ARL15: variants seen among roughly 807,000 people sequenced by gnomAD.
The protein encoded by ARL15 is ADP-ribosylation factor-like protein 15.
Under a neutral mutation model 25.2 loss-of-function variants are expected in ARL15, and 19 were observed. The observed-to-expected ratio is 0.75, with a 90% CI of 0.53 to 1.10. The LOEUF (loss-of-function observed/expected upper bound fraction) is 1.10. ARL15 is among the 50% of genes least tolerant of loss of function. The pLI is 0.00. For synonymous variants in ARL15, 94 were observed against 86.8 expected (o/e 1.08, Z -0.46); for missense variants, 220 against 246.0 (o/e 0.89, Z 0.71).
chr5:54,117,522 C>A (rs1053548154), intron 3 of ARL15, among the ~76,000 whole-genome samples: 1 of 151,998 alleles, frequency 6.6e-6, no homozygotes, highest in Non-Finnish European at 1.5e-5. Flanking sequence ...CAGTTTCACC[C>A]AAGAATTCCC....
intron 4 of ARL15, among the ~76,000 whole-genome samples, chr5:53,987,527 T>A (rs1366995892): frequency 6.6e-6 from 1 of 152,106 alleles, no homozygotes; most frequent in East Asian, 1.9e-4. Context: ...ATTTTGAGTA[T>A]CTTATCATCT....
chr5:53,958,892 A>C (rs1475698294), intron 4 of ARL15, among the ~76,000 whole-genome samples: 1 of 152,220 alleles, frequency 6.6e-6, no homozygotes, highest in Non-Finnish European at 1.5e-5. Context: ...CAAATATCAG[A>C]TCTCCAAAGT....
chr5:53,892,961 C>A (rs1744767954), intron 4 of ARL15, among the ~76,000 whole-genome samples: 1 of 151,986 alleles, frequency 6.6e-6, no homozygotes, highest in African/African-American at 2.4e-5. Context: ...TAATAGGATG[C>A]CAAGAGAGCC....
intron 1 of ARL15, among the ~76,000 whole-genome samples, chr5:54,272,166 G>C (rs1488152964): frequency 1.6e-5 from 2 of 126,880 alleles, no homozygotes; most frequent in Non-Finnish European, 3.1e-5. Flanking sequence ...TCCCCAGGCT[G>C]GTCTCAAACT....
At chr5:54,083,559 T>G (rs921339519) in intron 4 of ARL15, among the ~76,000 whole-genome samples, 1 of 152,086 alleles carries the variant, frequency 6.6e-6, no homozygotes, top group African/African-American at 2.4e-5. Flanking sequence ...CATGAGAAAA[T>G]ATCACCAATT....
chr5:54,003,666 ATCTATC>A (rs1561184612), intron 4 of ARL15, among the ~76,000 whole-genome samples: 6,783 of 52,892 alleles, frequency 0.13, 181 homozygotes, highest in Non-Finnish European at 0.14. Context: ...TTTTCTTTCT[ATCTATC>A]TATCTATCTA....
intron 1 of ARL15, among the ~76,000 whole-genome samples, chr5:54,242,454 C>T (rs562737164): frequency 6.6e-6 from 1 of 152,254 alleles, no homozygotes; most frequent in East Asian, 1.9e-4. Flanking sequence ...GTAGGCCTGG[C>T]CAATCATAGT....
At chr5:54,238,500 C>T (rs569912898) in intron 1 of ARL15, among the ~76,000 whole-genome samples, 1 of 152,160 alleles carries the variant, frequency 6.6e-6, no homozygotes, top group African/African-American at 2.4e-5. Context: ...TCGCAGGATG[C>T]CCCTTTCTTC....
chr5:54,122,547 C>A (rs997910308), intron 3 of ARL15, among the ~76,000 whole-genome samples: 1 of 152,220 alleles, frequency 6.6e-6, no homozygotes, highest in African/African-American at 2.4e-5. Context: ...TGACATTTCT[C>A]TTTCTTTTGT....
chr5:54,033,779 A>G (rs1244377167), intron 4 of ARL15, among the ~76,000 whole-genome samples: 1 of 152,190 alleles, frequency 6.6e-6, no homozygotes, highest in Non-Finnish European at 1.5e-5. Flanking sequence ...ACTTTAAATT[A>G]GACATCATTA....
intron 4 of ARL15, among the ~76,000 whole-genome samples, chr5:54,043,392 C>A (rs1364909178): frequency 6.6e-6 from 1 of 152,152 alleles, no homozygotes; most frequent in Non-Finnish European, 1.5e-5. Flanking sequence ...TGGTTTTCAA[C>A]CTGTAATCTT....
In ARL15 at chr5:54,234,321, T is replaced by A. The variant is rs550945459; in HGVS notation, c.49-62393A>T. 2.9e-3 allele frequency among the ~76,000 whole-genome samples: 415 copies of A among 142,236 alleles called. 4 individuals are homozygous for A. The highest frequency in any genetic ancestry group is 0.01 in the African/African-American group (400 of 38,898). The allele number at this position is 142,236 out of a possible 152,430, so 93.3% of individuals were successfully genotyped here. ...CTATTGTTATTTTTAAATGCATTAG[T>A]AAAAAAAAAAAAAATTTTAATTGCT... On this transcript the variant is annotated intron_variant, in intron 1 of 4. Coordinates refer to ENST00000504924, the MANE Select transcript of ARL15 (RefSeq NM_019087.3).
chr5:54,286,250 C>T (rs1209336315), intron 1 of ARL15: 1 of 152,122 alleles, frequency 6.6e-6, no homozygotes, highest in Non-Finnish European at 1.5e-5. Context: ...CAAAGAGAAA[C>T]ATTTGCAATC....
At position 54,294,774 on chromosome 5, in the gene ARL15, A is replaced by G. The variant is rs141594121; in HGVS notation, c.48+15658T>C. Among the ~76,000 whole-genome samples the G allele has an allele frequency of 3.9e-3, 597 of 152,364 alleles. 4 individuals carry two copies. Among genetic ancestry groups the G allele is most frequent in the African/African-American group, 0.013 (533 of 41,582 alleles). On this transcript the variant is annotated intron_variant, in intron 1 of 4. Coordinates refer to ENST00000504924, the MANE Select transcript of ARL15 (RefSeq NM_019087.3). ...ATACTACTCATAGTGTTAGAAGCAT[A>G]TGTATTTGTTACTGTTGCTACTGCT...
chr5:54,009,323 A>C (rs1462091549), intron 4 of ARL15, among the ~76,000 whole-genome samples: 2 of 152,190 alleles, frequency 1.3e-5, no homozygotes, highest in East Asian at 3.9e-4. Context: ...TCCACCCAAC[A>C]ACCTAAAATT....
intron 4 of ARL15, among the ~76,000 whole-genome samples, chr5:53,991,321 C>A (rs1188554142): frequency 6.6e-6 from 1 of 152,036 alleles, no homozygotes; most frequent in Non-Finnish European, 1.5e-5. Flanking sequence ...GCAGGCAGAT[C>A]ACCTGAGGTA....
intron 1 of ARL15, among the ~76,000 whole-genome samples, chr5:54,259,834 G>A (rs983998725): frequency 2.0e-5 from 3 of 152,046 alleles, no homozygotes; most frequent in Non-Finnish European, 2.9e-5. Context: ...AATCCTTTTC[G>A]TTCCTGGCCA....
chr5:53,997,029 C>G lies in ARL15; in HGVS notation c.463-110316G>C, dbSNP rs1337018108. Among the ~76,000 whole-genome samples the G allele has an allele frequency of 3.3e-5, 5 of 152,334 alleles. No homozygotes were observed. In the East Asian group the frequency reaches 9.6e-4, roughly 29 times the overall value. On this transcript the variant is annotated intron_variant, in intron 4 of 4. Transcript: ENST00000504924. ...CTTCTCCTGTATCGTACAGCAAGAT[C>G]TCTTTCCAACATTACTACCTCAATA... is the stretch of plus-strand genomic sequence containing the variant.
intron 4 of ARL15, among the ~76,000 whole-genome samples, chr5:53,901,660 G>C (rs1745069527): frequency 6.9e-6 from 1 of 145,720 alleles, no homozygotes; most frequent in South Asian, 2.3e-4. Context: ...ATATTGAAAT[G>C]GCTAGGTGGG....
Sources: allele counts gnomAD v4.1 joint callset (sites outside exome capture counted in the v4.1 genomes callset), GRCh38; gene constraint gnomAD v4.1.1; transcripts MANE v1.5; gene names NCBI Gene and HGNC (gene_info 2026-07-23, HGNC 2026-07-21).